VEGFC: variants seen among roughly 807,000 people sequenced by gnomAD.
The protein encoded by VEGFC is FLT4 ligand DHM.
Under a neutral mutation model 46.1 loss-of-function variants are expected in VEGFC, and 12 were observed. The observed-to-expected ratio is 0.26, with a 90% CI of 0.17 to 0.42. The LOEUF (loss-of-function observed/expected upper bound fraction) is 0.42, where lower values mean the gene tolerates loss of function less well. VEGFC is among the 10% of genes least tolerant of loss of function. The pLI, the probability that VEGFC is intolerant of heterozygous loss-of-function variation, is 1.00. For synonymous variants in VEGFC, 232 were observed against 195.5 expected, an observed-to-expected ratio of 1.19 and a Z score of -1.56; for missense variants, 488 against 529.4, an observed-to-expected ratio of 0.92 and a Z score of 0.77.
intron 1 of VEGFC, among the ~76,000 whole-genome samples, chr4:176,763,703 C>T (rs1386834703): frequency 6.6e-6 from 1 of 152,060 alleles, no homozygotes; most frequent in Admixed American, 6.6e-5. Flanking sequence ...TTACTACTTT[C>T]AGAAATGCAT....
intron 4 of VEGFC, 82 bp downstream of exon 4, chr4:176,711,417 T>G: frequency 6.9e-7 from 1 of 1,442,404 alleles, no homozygotes; most frequent in Non-Finnish European, 9.3e-7. Context: ...TTCACAGAGG[T>G]TATTTGTTTA....
At chr4:176,774,384 T>A (rs1258804368) in intron 1 of VEGFC, among the ~76,000 whole-genome samples, 1 of 150,988 alleles carries the variant, frequency 6.6e-6, no homozygotes, top group Admixed American at 6.6e-5. Context: ...TGTAACATCA[T>A]TAATAACTTT....
intron 1 of VEGFC, among the ~76,000 whole-genome samples, chr4:176,750,055 A>T (rs1461255707): frequency 2.0e-5 from 3 of 151,984 alleles, no homozygotes; most frequent in African/African-American, 7.2e-5. Flanking sequence ...AAAATTTGAA[A>T]GAACTAGAGA....
intron 4 of VEGFC, among the ~76,000 whole-genome samples, chr4:176,690,559 G>T (rs1470763042): frequency 1.3e-5 from 2 of 151,890 alleles, no homozygotes; most frequent in African/African-American, 4.8e-5. Context: ...TTATTTTCTA[G>T]GTTAATCATG....
At chr4:176,700,017 A>G (rs1734398587) in intron 4 of VEGFC, among the ~76,000 whole-genome samples, 1 of 152,230 alleles carries the variant, frequency 6.6e-6, no homozygotes, top group South Asian at 2.1e-4. Flanking sequence ...TTCAGATATT[A>G]AAGGAAAAGA....
chr4:176,692,904 G>A (rs1316439481), intron 4 of VEGFC, among the ~76,000 whole-genome samples: 3 of 147,348 alleles, frequency 2.0e-5, no homozygotes, highest in Admixed American at 1.3e-4. Context: ...CAACAGACCT[G>A]CAGCTGAGGG....
At chr4:176,749,766 C>G (rs1273719284) in intron 1 of VEGFC, among the ~76,000 whole-genome samples, 2 of 151,720 alleles carry the variant, frequency 1.3e-5, no homozygotes, top group East Asian at 3.9e-4. Context: ...ATGTCACTCC[C>G]TCTTGTTATA....
At chr4:176,770,793 G>GT (rs1284319089) in intron 1 of VEGFC, among the ~76,000 whole-genome samples, 7 of 152,072 alleles carry the variant, frequency 4.6e-5, no homozygotes, top group African/African-American at 1.7e-4. Context: ...CAAACACTGA[G>GT]GCCTGTCATA....
At chr4:176,730,759 A>T (rs1421175077) in intron 1 of VEGFC, among the ~76,000 whole-genome samples, 1 of 152,132 alleles carries the variant, frequency 6.6e-6, no homozygotes, top group Non-Finnish European at 1.5e-5. Context: ...TTTGAGCACA[A>T]AATGAACATA....
intron 1 of VEGFC, among the ~76,000 whole-genome samples, chr4:176,769,178 T>A (rs1735683108): frequency 6.6e-6 from 1 of 152,162 alleles, no homozygotes; most frequent in Non-Finnish European, 1.5e-5. Context: ...CCCAATCTGC[T>A]GGCTCCTTGA....
intron 1 of VEGFC, among the ~76,000 whole-genome samples, chr4:176,745,369 G>A (rs925487423): frequency 6.6e-6 from 1 of 152,100 alleles, no homozygotes; most frequent in Non-Finnish European, 1.5e-5. Context: ...GGCATTCCAT[G>A]TGATTAGATC....
chr4:176,704,967 C>T (rs947383164), intron 4 of VEGFC, among the ~76,000 whole-genome samples: 2 of 20,074 alleles, frequency 1.0e-4, no homozygotes, highest in Non-Finnish European at 5.4e-4. Flanking sequence ...CTTTCTATCT[C>T]TGTGGTCTAA....
intron 1 of VEGFC, among the ~76,000 whole-genome samples, chr4:176,790,192 C>T (rs926110690): frequency 6.6e-6 from 1 of 152,176 alleles, no homozygotes; most frequent in African/African-American, 2.4e-5. Context: ...TCTATTCACC[C>T]ACTGGGGAAC....
chr4:176,727,797 G>A lies in VEGFC; in HGVS notation c.533C>T (p.Thr178Met), dbSNP rs368339476. 2.8e-5 allele frequency: 45 copies of A among 1,613,318 alleles called. No homozygotes were observed. The highest frequency in any genetic ancestry group is 2.2e-4 in the East Asian group (10 of 44,846). The change falls in exon 3 of 7, where the codon ACG becomes ATG. Residue 178 changes from threonine to methionine, a missense_variant. Transcript: ENST00000618562. Reference sequence around the variant, plus strand: ...ACCCACCGTCTTGCTGAGGTAGCTCGTGCTGGTGTTCATGCACTGCAGCCC... The same window carrying A: ...ACCCACCGTCTTGCTGAGGTAGCTCATGCTGGTGTTCATGCACTGCAGCCC... ...SEGLQCMNTSTSYLSKTLFEI... is the reference protein window; with the variant it reads ...SEGLQCMNTSMSYLSKTLFEI...
At chr4:176,748,345 T>C (rs914683752) in intron 1 of VEGFC, among the ~76,000 whole-genome samples, 4 of 152,222 alleles carry the variant, frequency 2.6e-5, no homozygotes, top group Non-Finnish European at 5.9e-5. Flanking sequence ...GGTTATACAC[T>C]ATAAAATCTG....
chr4:176,683,679 C>A lies in VEGFC; in HGVS notation c.*247G>T, dbSNP rs1368813184. On this transcript the variant is annotated 3_prime_UTR_variant, in exon 7 of 7. Coordinates refer to ENST00000618562, the MANE Select transcript of VEGFC (RefSeq NM_005429.5). ...AGTGGAAATAAATTATATAGTCATT[C>A]TTTTAAAGAAATCACAAGAGGAAAA... 9.4e-6 allele frequency: 3 copies of A among 320,566 alleles called. No homozygotes were observed. Among genetic ancestry groups the A allele is most frequent in the Admixed American group, 4.8e-5 (1 of 20,872 alleles). 19.9% of individuals were successfully genotyped at this position (320,566 alleles called of 1,614,324 possible). A position where few individuals can be genotyped will look rare whatever the true frequency, so the allele number is the denominator to read the frequency against.
Position 176,790,008 on chromosome 4 carries a change from T to C in VEGFC, c.147+2157A>G, listed in dbSNP as rs191963767. On this transcript the variant is annotated intron_variant, in intron 1 of 6. Transcript: ENST00000618562. ...TCATGTAGTTATAGAAAATTAACAA[T>C]TGATTTCTCCCCAGTTCTTCTCTAG... 3.3e-3 allele frequency among the ~76,000 whole-genome samples: 505 copies of C among 152,364 alleles called. 5 individuals carry two copies. Among genetic ancestry groups the C allele is most frequent in the Admixed American group, 7.8e-3 (120 of 15,304 alleles).
intron 1 of VEGFC, among the ~76,000 whole-genome samples, chr4:176,772,462 C>A (rs113989931): frequency 5.9e-4 from 90 of 152,308 alleles, no homozygotes; most frequent in African/African-American, 2.1e-3. Context: ...ATTAATCTTT[C>A]AGGTGGGTAT....
At chr4:176,786,013 C>T (rs1033444869) in intron 1 of VEGFC, among the ~76,000 whole-genome samples, 1 of 152,016 alleles carries the variant, frequency 6.6e-6, no homozygotes, top group African/African-American at 2.4e-5. Flanking sequence ...CGCCAGCAAT[C>T]AGGAGCATAT....
Sources: gnomAD v4.1 joint callset for allele counts (sites outside exome capture counted in the v4.1 genomes callset) on GRCh38, gnomAD v4.1.1 for gene constraint, MANE v1.5 for transcripts, NCBI Gene and HGNC (gene_info 2026-07-23, HGNC 2026-07-21) for gene names.